LY75: variants seen among roughly 807,000 people sequenced by gnomAD.
LY75 encodes the protein C-type lectin domain family 13 member B.
Under a neutral mutation model 231.7 loss-of-function variants are expected in LY75, and 185 were observed. The ratio of observed to expected loss-of-function variants is 0.80; its 90% confidence interval spans 0.71 to 0.90. The LOEUF (loss-of-function observed/expected upper bound fraction) is 0.90, where lower values mean the gene tolerates loss of function less well. LY75 is among the 40% of genes least tolerant of loss of function. The probability of loss-of-function intolerance (pLI) is 0.00; values close to 1 mark genes in which losing one functional copy is unlikely to be tolerated. For missense variants in LY75, 1,947 were observed against 2,050.2 expected, an observed-to-expected ratio of 0.95 and a Z score of 0.97; for synonymous variants, 668 against 689.0, an observed-to-expected ratio of 0.97 and a Z score of 0.48.
intron 17 of LY75, 154 bp from the exon 18 acceptor site, chr2:159,854,689 T>C (rs775571902): frequency 6.9e-5 from 47 of 678,810 alleles, no homozygotes; most frequent in Non-Finnish European, 8.3e-5. Context: ...AAGAGATTCC[T>C]GAGCCAGTGA....
chr2:159,858,410 G>C lies in LY75; in HGVS notation c.2335C>G (p.Pro779Ala), dbSNP rs1327275208. 4.3e-6 allele frequency: 7 copies of C among 1,613,470 alleles called. No individual in the cohort carries two copies. The highest frequency in any genetic ancestry group is 2.2e-5 in the South Asian group (2 of 91,036). The change falls in exon 16 of 35, where the codon CCT becomes GCT. Residue 779 changes from proline (P) to alanine (A), a missense_variant. Coordinates refer to ENST00000263636, the MANE Select transcript of LY75 (RefSeq NM_002349.4). Reference protein sequence around the residue: ...YDDREFIYLRPFACDTKLEWV... With the variant: ...YDDREFIYLRAFACDTKLEWV... ...TCAAGTTTTGTATCACAAGCAAAAGGCCTCAAATAAATAAATTCTCTATCA... is the reference window on the plus strand; with the variant it reads ...TCAAGTTTTGTATCACAAGCAAAAGCCCTCAAATAAATAAATTCTCTATCA...
chr2:159,819,238 A>AAAC (rs1259308797), intron 29 of LY75, among the ~76,000 whole-genome samples: 1 of 152,230 alleles, frequency 6.6e-6, no homozygotes, highest in Non-Finnish European at 1.5e-5. Flanking sequence ...GAAAAAATTA[A>AAAC]AACTAACATA....
chr2:159,840,607 A>G lies in LY75; in HGVS notation c.3507+122T>C, dbSNP rs1006524392. On this transcript the variant is annotated intron_variant, in intron 25 of 34. Transcript: ENST00000263636. ...TTAAAAACCCCGACATATTCCATGA[A>G]ATTTACTGGAGTAAGATTTTCAGTT... The G allele has an allele frequency of 4.9e-6, 7 of 1,427,092 alleles. No homozygotes were observed. In the African/African-American group the frequency reaches 1.0e-4, roughly 20 times the overall value. The allele number at this position is 1,427,092 out of a possible 1,614,324, so 88.4% of individuals were successfully genotyped here. A position where few individuals can be genotyped will look rare whatever the true frequency, so the allele number is the denominator to read the frequency against.
chr2:159,893,975 T>C lies in LY75; in HGVS notation c.576A>G (p.Pro192=). 1 of 1,613,964 alleles carries C rather than the reference T, an allele frequency of 6.2e-7. No individual in the cohort carries two copies. The highest frequency in any genetic ancestry group is 8.5e-7 in the Non-Finnish European group (1 of 1,179,878). ...CATAATTTAAGGTGGTGGCACACCATGGCCCACTATGATCTTCATCAAGAA... is the reference window on the plus strand; with the variant it reads ...CATAATTTAAGGTGGTGGCACACCACGGCCCACTATGATCTTCATCAAGAA... ...DCILDEDHSG[P]WCATTLNYEY... The change falls in exon 3 of 35, where the codon CCA becomes CCG. Residue 192 remains proline (P), a synonymous_variant. Coordinates refer to ENST00000263636, the MANE Select transcript of LY75 (RefSeq NM_002349.4).
chr2:159,854,937 G>A lies in LY75; in HGVS notation c.2386C>T (p.Arg796Cys), dbSNP rs374196065. Residue 796 changes from arginine to cysteine, a missense_variant and splice_region_variant, in exon 17 of 35, where the codon CGT (arginine) becomes TGT (cysteine). Transcript: ENST00000263636. ...LEWVCQIPKG[R>C]TPKTPDWYNP... is the part of the protein sequence containing the mutation. ...TACCAGTCTGGTGTTTTTGGAGTAC[G>A]GCCTGTATGAGGAAGAAAGCAAGTG... 737 of 1,613,594 alleles carry A rather than the reference G, an allele frequency of 4.6e-4. No homozygotes were observed. The highest frequency in any genetic ancestry group is 5.9e-4 in the Non-Finnish European group (691 of 1,179,816).
Position 159,819,852 on chromosome 2 carries a change from T to A in LY75, c.4027A>T (p.Ile1343Leu), listed in dbSNP as rs1049164549. Residue 1343 changes from isoleucine to leucine, a missense_variant, in exon 29 of 35, where the codon ATA becomes TTA. Transcript: ENST00000263636. ...CCAGCCAAAAACTTCTCATTTTTTA[T>A]AGTTGGTCTTCCTGCTCTCCAATGT... ...YTHWRAGRPT[I>L]KNEKFLAGLS... 1.2e-6 allele frequency: 2 copies of A among 1,614,146 alleles called. No homozygotes were observed.
In LY75 at chr2:159,872,585, A is replaced by G. The variant is rs1345442601; in HGVS notation, c.1983T>C (p.His661=). ...TCCTCTTTCTTACAATTCTTTCTGC[A>G]TGGAATACCTTAGCAAAATATAATA... ...PASLSCYKVF[H]AERIVRKRNW... is the part of the protein sequence containing the mutation. Residue 661 remains histidine (H), a synonymous_variant, in exon 13 of 35, where the codon CAT becomes CAC. Transcript: ENST00000263636. 5.6e-6 allele frequency: 9 copies of G among 1,613,256 alleles called. No individual in the cohort carries two copies. The highest frequency in any genetic ancestry group is 1.7e-5 in the Admixed American group (1 of 59,784).
At chr2:159,821,997 C>T (rs933683673) in intron 28 of LY75, among the ~76,000 whole-genome samples, 1 of 152,204 alleles carries the variant, frequency 6.6e-6, no homozygotes, top group East Asian at 1.9e-4. Flanking sequence ...GGAACTCTGG[C>T]ACAGATAGTG....
chr2:159,878,664 C>CA lies in LY75; in HGVS notation c.1572dup (p.Gly525TrpfsTer10), dbSNP rs1685345639. On this transcript the variant is annotated frameshift_variant, in exon 10 of 35. Transcript: ENST00000263636. LOFTEE classifies it high-confidence loss of function. Reference sequence around the variant, plus strand: ...GTGATAGTCAGATTGCAGTTTGTTCCAAAAGGGACCTCATCCTCATAAATC... The same window carrying CA: ...GTGATAGTCAGATTGCAGTTTGTTCCAAAAAGGGACCTCATCCTCATAAATC... The CA allele has an allele frequency of 1.2e-6, 2 of 1,613,974 alleles. No homozygotes were observed. The highest frequency in any genetic ancestry group is 1.7e-6 in the Non-Finnish European group (2 of 1,179,938).
At chr2:159,816,725 T>C in intron 30 of LY75, 81 bp downstream of exon 30, 5 of 1,561,682 alleles carry the variant, frequency 3.2e-6, no homozygotes, top group Non-Finnish European at 4.3e-6. Flanking sequence ...TGTTGTACTT[T>C]GTGTTAATAC....
At chr2:159,809,586 T>C (rs1412734480) in intron 32 of LY75, among the ~76,000 whole-genome samples, 5 of 152,158 alleles carry the variant, frequency 3.3e-5, no homozygotes, top group African/African-American at 1.2e-4. Context: ...TAAAACCGTT[T>C]CCAATCATTT....
intron 4 of LY75, 119 bp from the exon 5 acceptor site, chr2:159,886,649 T>C: frequency 1.0e-6 from 1 of 979,784 alleles, no homozygotes; most frequent in South Asian, 2.0e-5. Context: ...CAGCAATCCC[T>C]GTAGAGGGCT....
chr2:159,841,765 T>A (rs1012463049), intron 24 of LY75, among the ~76,000 whole-genome samples: 6 of 152,058 alleles, frequency 3.9e-5, no homozygotes, highest in African/African-American at 7.2e-5. Context: ...AAATATGAAG[T>A]TTTTTTCTCC....
intron 1 of LY75, among the ~76,000 whole-genome samples, chr2:159,900,896 T>C (rs1246039904): frequency 6.6e-6 from 1 of 152,178 alleles, no homozygotes; most frequent in Non-Finnish European, 1.5e-5. Context: ...TGGAGTGCAG[T>C]GGCACAATCT....
rs1243387361 is a variant in LY75 at position 159,904,626 on chromosome 2, G to A, written c.57C>T (p.Phe19=). 8.0e-6 allele frequency: 12 copies of A among 1,506,578 alleles called. No individual in the cohort carries two copies. Among genetic ancestry groups the A allele is most frequent in the Non-Finnish European group, 1.1e-5 (12 of 1,131,002 alleles). 93.3% of individuals were successfully genotyped at this position (1,506,578 alleles called of 1,614,324 possible). ...RRPAGLLMLL[F]WFFDLAEPSG... Reference sequence around the variant, plus strand: ...AGGGCTCCGCGAGATCGAAGAACCAGAAGAGCAGCATGAGGAGCCCCGCCG... The same window carrying A: ...AGGGCTCCGCGAGATCGAAGAACCAAAAGAGCAGCATGAGGAGCCCCGCCG... The change falls in exon 1 of 35, where the codon TTC becomes TTT. Residue 19 remains phenylalanine, a synonymous_variant. Coordinates refer to ENST00000263636, the MANE Select transcript of LY75 (RefSeq NM_002349.4).
chr2:159,819,242 T>C (rs1683212728), intron 29 of LY75, among the ~76,000 whole-genome samples: 1 of 152,156 alleles, frequency 6.6e-6, no homozygotes, highest in African/African-American at 2.4e-5. Flanking sequence ...AAATTAAAAC[T>C]AACATATATT....
intron 27 of LY75, among the ~76,000 whole-genome samples, chr2:159,833,796 C>T (rs753234765): frequency 3.3e-5 from 5 of 152,060 alleles, no homozygotes; most frequent in Non-Finnish European, 5.9e-5. Flanking sequence ...GGGTTTTTCC[C>T]GTGCTGTTCT....
chr2:159,850,474 AC>A lies in LY75; in HGVS notation c.2884-8del. 6.2e-7 allele frequency: 1 copy of A among 1,613,272 alleles called. No homozygotes were observed. Among genetic ancestry groups the A allele is most frequent in the South Asian group, 1.1e-5 (1 of 91,052 alleles). ...GTTTGATCTTTAGAAAACACTGCAA[AC>A]AAAGACATATGTGAAGCATGAGATT... On this transcript the variant is annotated splice_polypyrimidine_tract_variant and splice_region_variant and intron_variant, in intron 21 of 34. Transcript: ENST00000263636.
chr2:159,882,349 A>T (rs1215808826), intron 6 of LY75, 34 bp from the exon 7 acceptor site: 1 of 1,599,992 alleles, frequency 6.3e-7, no homozygotes, highest in Non-Finnish European at 8.5e-7. Context: ...ATTCCAGTAA[A>T]GATACATCTA....
Sources: allele counts gnomAD v4.1 joint callset (sites outside exome capture counted in the v4.1 genomes callset), GRCh38; gene constraint gnomAD v4.1.1; transcripts MANE v1.5; gene names NCBI Gene and HGNC (gene_info 2026-07-23, HGNC 2026-07-21).